C3orf70: variants seen among roughly 807,000 people sequenced by gnomAD.
C3orf70 encodes the protein chromosome 3 open reading frame 70.
A neutral mutation model predicts 20.7 loss-of-function variants in C3orf70; 15 were observed. The observed-to-expected ratio is 0.72, with a 90% CI of 0.48 to 1.11. C3orf70 has a LOEUF of 1.11. Ranked by LOEUF, C3orf70 falls within the 50% of genes most tolerant of loss-of-function variation. C3orf70 has a pLI of 0.00. For missense variants in C3orf70, 332 were observed against 317.6 expected, an observed-to-expected ratio of 1.05 and a Z score of -0.34; for synonymous variants, 161 against 125.7, an observed-to-expected ratio of 1.28 and a Z score of -1.88.
In C3orf70 at chr3:185,152,666, A is replaced by G; in HGVS notation, c.158T>C (p.Phe53Ser). 6.3e-7 allele frequency: 1 copy of G among 1,591,758 alleles called. No individual in the cohort carries two copies. Residue 53 changes from phenylalanine (F) to serine (S), a missense_variant, in exon 1 of 2, where the codon TTC (phenylalanine) becomes TCC (serine). Coordinates refer to ENST00000335012, the MANE Select transcript of C3orf70 (RefSeq NM_001025266.3). ...ICATHSHGKCFKLHWCCHLGW... is the reference protein window; with the variant it reads ...ICATHSHGKCSKLHWCCHLGW... Reference sequence around the variant, plus strand: ...TAGGTGACAGCACCAGTGCAGCTTGAAGCACTTGCCATGGCTGTGCGTGGC... The same window carrying G: ...TAGGTGACAGCACCAGTGCAGCTTGGAGCACTTGCCATGGCTGTGCGTGGC...
intron 1 of C3orf70, among the ~76,000 whole-genome samples, chr3:185,109,840 TAA>T (rs1396649016): frequency 6.6e-6 from 1 of 152,198 alleles, no homozygotes; most frequent in African/African-American, 2.4e-5. Context: ...AACCTATTTG[TAA>T]ACAAAATTGA....
chr3:185,108,213 T>C (rs7355936), intron 1 of C3orf70, among the ~76,000 whole-genome samples: 7,909 of 152,242 alleles, frequency 0.052, 669 homozygotes, highest in African/African-American at 0.18. Flanking sequence ...TTTAAACCAA[T>C]TGAAGGTGCT....
At chr3:185,117,454 A>AGAGAGAG (rs1716203945) in intron 1 of C3orf70, among the ~76,000 whole-genome samples, 2 of 141,944 alleles carry the variant, frequency 1.4e-5, no homozygotes, top group African/African-American at 5.6e-5. Flanking sequence ...CACACACAGA[A>AGAGAGAG]AGAGAGAGAG....
At position 185,152,790 on chromosome 3, in the gene C3orf70, C is replaced by T. The variant is rs1717022366; in HGVS notation, c.34G>A (p.Gly12Ser). The change falls in exon 1 of 2, where the codon GGT (glycine) becomes AGT (serine). Residue 12 changes from glycine (G) to serine (S), a missense_variant. Coordinates refer to ENST00000335012, the MANE Select transcript of C3orf70 (RefSeq NM_001025266.3). ...SAAASPASERGWKSEKLDEAQ... is the reference protein window; with the variant it reads ...SAAASPASERSWKSEKLDEAQ... ...TCATCTAGTTTCTCGCTCTTCCAAC[C>T]CCGCTCCGACGCCGGCGAGGCCGCC... 1.3e-6 allele frequency: 2 copies of T among 1,569,112 alleles called. No homozygotes were observed. Among genetic ancestry groups the T allele is most frequent in the Non-Finnish European group, 1.7e-6 (2 of 1,156,316 alleles).
chr3:185,130,803 T>C (rs1716509131), intron 1 of C3orf70, among the ~76,000 whole-genome samples: 1 of 152,248 alleles, frequency 6.6e-6, no homozygotes, highest in Admixed American at 6.5e-5. Context: ...TTCTGTTCCT[T>C]TGCATTGCCA....
At chr3:185,122,177 T>C (rs746307739) in intron 1 of C3orf70, among the ~76,000 whole-genome samples, 33 of 151,588 alleles carry the variant, frequency 2.2e-4, no homozygotes, top group Middle Eastern at 3.5e-3. Context: ...AGAGTGACTA[T>C]ATAAATATCA....
At position 185,087,662 on chromosome 3, in the gene C3orf70, G is replaced by A. The variant is rs147059036; in HGVS notation, c.197-4099C>T. ...GGTGTTTGCCAGGGACTGGGCATAC[G>A]GGGGGATGGGGAGTTGTTGTTTAAT... On this transcript the variant is annotated intron_variant, in intron 1 of 1. Transcript: ENST00000335012. Among the ~76,000 whole-genome samples, 901 of 152,224 alleles carry A rather than the reference G, an allele frequency of 5.9e-3. 11 individuals are homozygous for A. The highest frequency in any genetic ancestry group is 0.02 in the African/African-American group (834 of 41,524).
chr3:185,131,408 G>A (rs546839580), intron 1 of C3orf70, among the ~76,000 whole-genome samples: 2 of 152,152 alleles, frequency 1.3e-5, no homozygotes, highest in East Asian at 3.8e-4. Context: ...GAGTTTGCCT[G>A]AAGTCTGATA....
In C3orf70 at chr3:185,150,023, T is replaced by A. The variant is rs183442618; in HGVS notation, c.196+2605A>T. On this transcript the variant is annotated intron_variant, in intron 1 of 1. Coordinates refer to ENST00000335012, the MANE Select transcript of C3orf70 (RefSeq NM_001025266.3). ...ATTAACCTAATTTCTTGTTTTTTTT[T>A]AAAAAAAGAGTGTATGTACAGATAG... Among the ~76,000 whole-genome samples, 788 of 152,122 alleles carry A rather than the reference T, an allele frequency of 5.2e-3. 5 individuals are homozygous for A. Among genetic ancestry groups the A allele is most frequent in the African/African-American group, 0.015 (612 of 41,486 alleles).
chr3:185,101,372 T>C (rs1715820555), intron 1 of C3orf70, among the ~76,000 whole-genome samples: 1 of 152,180 alleles, frequency 6.6e-6, no homozygotes, highest in South Asian at 2.1e-4. Context: ...CAAGTTTGGA[T>C]CAACATACAC....
intron 1 of C3orf70, among the ~76,000 whole-genome samples, chr3:185,092,989 CAAAA>C (rs35779843): frequency 9.2e-5 from 12 of 129,910 alleles, no homozygotes; most frequent in Admixed American, 7.6e-5. Context: ...GACTCCATCT[CAAAA>C]AAAAAAAAAA....
At chr3:185,103,189 G>C (rs1467347412) in intron 1 of C3orf70, among the ~76,000 whole-genome samples, 1 of 152,178 alleles carries the variant, frequency 6.6e-6, no homozygotes, top group Non-Finnish European at 1.5e-5. Flanking sequence ...AGGTTGCAGT[G>C]AACAGAGATT....
In C3orf70 at chr3:185,083,192, A is replaced by G; in HGVS notation, c.568T>C (p.Ser190Pro). The G allele has an allele frequency of 6.2e-7, 1 of 1,614,142 alleles. No individual in the cohort carries two copies. Among genetic ancestry groups the G allele is most frequent in the South Asian group, 1.1e-5 (1 of 91,082 alleles). The change falls in exon 2 of 2, where the codon TCT becomes CCT. Residue 190 changes from serine to proline, a missense_variant. By Grantham distance (74) the Ser-to-Pro change is moderately conservative. Transcript: ENST00000335012. ...TGAGCCCCAATCGCATTGATCCCAG[A>G]GTCCTCAGAACTTGAGGGAGAAGAG... ...HCSSPSSSEDSGINAIGAHYV... is the reference protein window; with the variant it reads ...HCSSPSSSEDPGINAIGAHYV...
chr3:185,123,743 T>A (rs1209971053), intron 1 of C3orf70, among the ~76,000 whole-genome samples: 7 of 152,202 alleles, frequency 4.6e-5, no homozygotes, highest in Admixed American at 2.6e-4. Flanking sequence ...AAAATATATA[T>A]TATTGCCTAT....
chr3:185,129,218 G>A (rs1716478947), intron 1 of C3orf70, among the ~76,000 whole-genome samples: 1 of 152,048 alleles, frequency 6.6e-6, no homozygotes, highest in Non-Finnish European at 1.5e-5. Context: ...TTGCAATCCT[G>A]GCCCCCCTCC....
At chr3:185,087,256 A>AGT (rs1409175813) in intron 1 of C3orf70, among the ~76,000 whole-genome samples, 2 of 152,234 alleles carry the variant, frequency 1.3e-5, no homozygotes, top group Non-Finnish European at 2.9e-5. Context: ...AGATACTCAG[A>AGT]GTGAGGGCTC....
Position 185,129,583 on chromosome 3 carries a change from G to A in C3orf70, c.196+23045C>T, listed in dbSNP as rs568933536. ...TCCTTTGGGTATATACCCAATGGTG[G>A]GACTGCTGGGTCAAATGGTAGTACT... On this transcript the variant is annotated intron_variant, in intron 1 of 1. Transcript: ENST00000335012. 3.9e-5 allele frequency among the ~76,000 whole-genome samples: 6 copies of A among 152,212 alleles called. No individual in the cohort carries two copies. In the South Asian group the frequency reaches 6.2e-4, roughly 16 times the overall value.
chr3:185,098,867 A>T (rs1358083477), intron 1 of C3orf70, among the ~76,000 whole-genome samples: 2 of 152,104 alleles, frequency 1.3e-5, no homozygotes, highest in African/African-American at 4.8e-5. Flanking sequence ...CAAGAGAAAA[A>T]TCTCCAGTGA....
intron 1 of C3orf70, among the ~76,000 whole-genome samples, chr3:185,122,896 C>G (rs1463768108): frequency 6.6e-6 from 1 of 151,938 alleles, no homozygotes; most frequent in East Asian, 1.9e-4. Flanking sequence ...TGGCTCATGC[C>G]TGTAATCCCA....
Sources: gnomAD v4.1 joint callset for allele counts (sites outside exome capture counted in the v4.1 genomes callset) on GRCh38, gnomAD v4.1.1 for gene constraint, MANE v1.5 for transcripts, NCBI Gene and HGNC (gene_info 2026-07-23, HGNC 2026-07-21) for gene names.